Variants in TRPV5 observed in about 807,000 individuals in gnomAD.
TRPV5 encodes the protein calcium transport protein 2.
Under a neutral mutation model 74.1 loss-of-function variants are expected in TRPV5, and 66 were observed. The observed-to-expected ratio is 0.89, with a 90% confidence interval of 0.73 to 1.09. TRPV5 has a LOEUF of 1.09. Ranked by LOEUF, TRPV5 falls within the 50% of genes least tolerant of loss-of-function variation. The pLI, the probability that TRPV5 is intolerant of heterozygous loss-of-function variation, is 0.00. For synonymous variants in TRPV5, 399 were observed against 360.7 expected (o/e 1.11, Z -1.20); for missense variants, 936 against 930.4 (o/e 1.01, Z -0.08).
At chr7:142,914,770 C>A (rs377664392) in intron 11 of TRPV5, 64 bp from the exon 12 acceptor site, 1 of 1,607,588 alleles carries the variant, frequency 6.2e-7, no homozygotes, top group African/African-American at 1.3e-5. Context: ...GAGCAGCTAA[C>A]GCTAACAGAT....
Position 142,914,641 on chromosome 7 carries a change from G to A in TRPV5, c.1518C>T (p.Ser506=), listed in dbSNP as rs140469115. ...GTAGAGGAGTGTATGGTGCCTTACC[G>A]GAGGCAAATCCCAAGATGACCACAG... is the stretch of plus-strand genomic sequence containing the variant. ...LMAVVILGFA[S]AFYIIFQTED... is the part of the protein sequence containing the mutation. Residue 506 remains serine (S), a splice_region_variant and synonymous_variant, in exon 12 of 15, where the codon TCC becomes TCT. Transcript: ENST00000265310. 4.8e-5 allele frequency: 78 copies of A among 1,612,784 alleles called. No individual in the cohort carries two copies. Among genetic ancestry groups the A allele is most frequent in the East Asian group, 1.1e-4 (5 of 44,876 alleles).
At chr7:142,932,084 G>A (rs1020674298) in intron 1 of TRPV5, among the ~76,000 whole-genome samples, 1 of 152,172 alleles carries the variant, frequency 6.6e-6, no homozygotes, top group Non-Finnish European at 1.5e-5. Context: ...CCTAGGAGGG[G>A]CCTTTGTGAG....
chr7:142,924,267 T>A (rs1262986609), intron 8 of TRPV5, among the ~76,000 whole-genome samples: 1 of 91,020 alleles, frequency 1.1e-5, no homozygotes, highest in Non-Finnish European at 2.0e-5. Flanking sequence ...TATATATACA[T>A]ATATATATAT....
Position 142,908,663 on chromosome 7 carries a change from A to T in TRPV5, c.2041T>A (p.Leu681Met). 1 of 1,614,198 alleles carries T rather than the reference A, an allele frequency of 6.2e-7. No homozygotes were observed. Among genetic ancestry groups the T allele is most frequent in the South Asian group, 1.1e-5 (1 of 91,086 alleles). ...GACAGGGAGGAAGTTGGAAGAGCCAAAGAGGCTCTGGCTAGAGTCCCACTC... is the reference window on the plus strand; with the variant it reads ...GACAGGGAGGAAGTTGGAAGAGCCATAGAGGCTCTGGCTAGAGTCCCACTC... The part of the protein sequence containing the change: ...AESGTLARAS[L>M]ALPTSSLSRT... The change falls in exon 15 of 15, where the codon TTG becomes ATG. Residue 681 changes from leucine to methionine, a missense_variant. Leu to Met is a conservative substitution (Grantham distance 15). Transcript: ENST00000265310.
intron 8 of TRPV5, among the ~76,000 whole-genome samples, chr7:142,919,462 A>AGAGGAAAAG: frequency 6.6e-6 from 1 of 152,344 alleles, no homozygotes; most frequent in African/African-American, 2.4e-5. Context: ...TGGAGGCCTA[A>AGAGGAAAAG]GAGGAAAAGA....
intron 8 of TRPV5, among the ~76,000 whole-genome samples, chr7:142,917,087 T>TTTTG (rs1795815293): frequency 2.6e-5 from 4 of 151,774 alleles, no homozygotes; most frequent in South Asian, 2.1e-4. Flanking sequence ...TTGTGCGTTT[T>TTTTG]TTTTGTTTTG....
rs1554529784 is a variant in TRPV5, at chr7:142,924,311, T to C, written c.1122+1218A>G. On this transcript the variant is annotated intron_variant, in intron 8 of 14. Coordinates refer to ENST00000265310, the MANE Select transcript of TRPV5 (RefSeq NM_019841.7). Reference sequence around the variant, plus strand: ...ACATGTATATATATACATATATATATACACACATATACATGTATATATATA... The same window carrying C: ...ACATGTATATATATACATATATATACACACACATATACATGTATATATATA... Among the ~76,000 whole-genome samples the C allele has an allele frequency of 9.7e-3, 301 of 30,998 alleles. 34 individuals are homozygous for C. Among genetic ancestry groups the C allele is most frequent in the African/African-American group, 0.05 (289 of 5,808 alleles). The allele number at this position is 30,998 out of a possible 152,430, so 20.3% of individuals were successfully genotyped here.
At chr7:142,916,657 A>G (rs1795804277) in intron 8 of TRPV5, among the ~76,000 whole-genome samples, 1 of 152,210 alleles carries the variant, frequency 6.6e-6, no homozygotes, top group Admixed American at 6.5e-5. Context: ...TGATGATTTG[A>G]GCCAGGGAGA....
chr7:142,914,071 T>A (rs1795750495), intron 12 of TRPV5, among the ~76,000 whole-genome samples: 2 of 152,228 alleles, frequency 1.3e-5, no homozygotes, highest in South Asian at 4.1e-4. Flanking sequence ...GTTCTCCCAG[T>A]CTCTCTTCAC....
Position 142,925,745 on chromosome 7 carries a change from G to A in TRPV5, c.910-4C>T, listed in dbSNP as rs367687660. 1 of 1,613,100 alleles carries A rather than the reference G, an allele frequency of 6.2e-7. No individual in the cohort carries two copies. Among genetic ancestry groups the A allele is most frequent in the South Asian group, 1.1e-5 (1 of 90,962 alleles). ...TCTGTTCCAGAATTTGGCGAGCCTG[G>A]CATGGAAGTAGAGTGAAACTTGGGG... On this transcript the variant is annotated splice_region_variant and splice_polypyrimidine_tract_variant and intron_variant, in intron 7 of 14. Coordinates refer to ENST00000265310, the MANE Select transcript of TRPV5 (RefSeq NM_019841.7).
chr7:142,908,809 C>T lies in TRPV5; in HGVS notation c.1896-1G>A. The T allele has an allele frequency of 1.2e-6, 2 of 1,607,850 alleles. No individual in the cohort carries two copies. Among genetic ancestry groups the T allele is most frequent in the Non-Finnish European group, 1.7e-6 (2 of 1,176,782 alleles). ...ATTCTGATCATTGTGGTTCTCAACC[C>T]TGATAAGGGGAAAGGGGAAAGGACT... On this transcript the variant is annotated splice_acceptor_variant, in intron 14 of 14. Transcript: ENST00000265310. LOFTEE classifies it high-confidence loss of function.
rs1795784626 is a variant in TRPV5 at position 142,915,689 on chromosome 7, C to T, written c.1123-121G>A. Reference sequence around the variant, plus strand: ...AGGAAACTCCCCTTCCCACCAGCATCACCCCACCCCCATTGTACTTGCCAT... The same window carrying T: ...AGGAAACTCCCCTTCCCACCAGCATTACCCCACCCCCATTGTACTTGCCAT... On this transcript the variant is annotated intron_variant, in intron 8 of 14. Coordinates refer to ENST00000265310, the MANE Select transcript of TRPV5 (RefSeq NM_019841.7). 4 of 864,270 alleles carry T rather than the reference C, an allele frequency of 4.6e-6. No homozygotes were observed. In the African/African-American group the frequency reaches 5.1e-5, roughly 11 times the overall value. The allele number at this position is 864,270 out of a possible 1,614,324, so 53.5% of individuals were successfully genotyped here. A position where few individuals can be genotyped will look rare whatever the true frequency, so the allele number is the denominator to read the frequency against.
In TRPV5 at chr7:142,928,122, A is replaced by G. The variant is rs1207578668; in HGVS notation, c.875T>C (p.Phe292Ser). The G allele has an allele frequency of 1.2e-6, 2 of 1,614,208 alleles. No homozygotes were observed. Among genetic ancestry groups the G allele is most frequent in the Non-Finnish European group, 1.7e-6 (2 of 1,180,030 alleles). ...EIDSWGEELSFLELVVSSDKR... is the reference protein window; with the variant it reads ...EIDSWGEELSSLELVVSSDKR... ...ATCAGAGGAGACCACAAGCTCCAGG[A>G]AGGACAGCTCCTCTCCCCAGGAGTC... The change falls in exon 7 of 15, where the codon TTC becomes TCC. Residue 292 changes from phenylalanine to serine, a missense_variant. By Grantham distance (155) the Phe-to-Ser change is radical (BLOSUM62 -2). Coordinates refer to ENST00000265310, the MANE Select transcript of TRPV5 (RefSeq NM_019841.7).
intron 12 of TRPV5, 87 bp from the exon 13 acceptor site, chr7:142,912,837 G>GATCGATCT (rs770222409): frequency 2.4e-5 from 18 of 734,876 alleles, no homozygotes; most frequent in African/African-American, 1.8e-4. Flanking sequence ...TTCTATCTCT[G>GATCGATCT]ATCTATCTAT....
intron 1 of TRPV5, among the ~76,000 whole-genome samples, chr7:142,930,924 G>A (rs551822657): frequency 6.6e-6 from 1 of 152,098 alleles, no homozygotes; most frequent in Admixed American, 6.6e-5. Flanking sequence ...AACACAGAGG[G>A]AGGAGGAATG....
intron 6 of TRPV5, 150 bp from the exon 7 acceptor site, chr7:142,928,384 T>A: frequency 1.1e-6 from 1 of 940,536 alleles, no homozygotes; most frequent in Non-Finnish European, 1.6e-6. Flanking sequence ...TTTCCCTTTT[T>A]TGTCATCTTT....
chr7:142,925,280 G>A (rs1389870370), intron 8 of TRPV5: 3 of 584,272 alleles, frequency 5.1e-6, no homozygotes, highest in Non-Finnish European at 9.1e-6. Context: ...AAAAGCACAG[G>A]CTTACTCATG....
intron 8 of TRPV5, among the ~76,000 whole-genome samples, chr7:142,921,538 C>T (rs1795885752): frequency 6.6e-6 from 1 of 152,130 alleles, no homozygotes; most frequent in African/African-American, 2.4e-5. Context: ...CCTCAGCCTC[C>T]CAAAGTGCTG....
At chr7:142,919,254 G>A (rs1795846056) in intron 8 of TRPV5, among the ~76,000 whole-genome samples, 1 of 152,210 alleles carries the variant, frequency 6.6e-6, no homozygotes, top group African/African-American at 2.4e-5. Context: ...AGTAGTCTTA[G>A]AGCTTCCTGA....
Sources: gnomAD v4.1 joint callset for allele counts (sites outside exome capture counted in the v4.1 genomes callset) on GRCh38, gnomAD v4.1.1 for gene constraint, MANE v1.5 for transcripts, NCBI Gene and HGNC (gene_info 2026-07-23, HGNC 2026-07-21) for gene names.